Variants in PCDH17 observed in about 807,000 individuals in gnomAD.
The protein encoded by PCDH17 is protocadherin 17, also known as protocadherin-17.
A neutral mutation model predicts 67.7 loss-of-function variants in PCDH17; 21 were observed. The ratio of observed to expected loss-of-function variants is 0.31; its 90% CI spans 0.22 to 0.45. The LOEUF is 0.45. Among genes scored for constraint, PCDH17 ranks in the 20% least tolerant of loss-of-function variants. The probability of loss-of-function intolerance (pLI) is 1.00; values close to 1 mark genes in which losing one functional copy is unlikely to be tolerated. For missense variants in PCDH17, 1,471 were observed against 1,564.8 expected (o/e 0.94, Z 1.01); for synonymous variants, 701 against 656.7 (o/e 1.07, Z -1.03).
chr13:57,665,227 A>C (rs1419865217), intron 1 of PCDH17, among the ~76,000 whole-genome samples: 2 of 148,954 alleles, frequency 1.3e-5, no homozygotes, highest in Admixed American at 1.4e-4. Context: ...TTAAACTATC[A>C]TTCTTTAATG....
intron 1 of PCDH17, among the ~76,000 whole-genome samples, chr13:57,653,637 G>C (rs1387342312): frequency 6.6e-6 from 1 of 152,086 alleles, no homozygotes; most frequent in African/African-American, 2.4e-5. Flanking sequence ...GTGTAATATA[G>C]TGGTGAGATC....
intron 1 of PCDH17, among the ~76,000 whole-genome samples, chr13:57,638,577 C>A (rs1954853124): frequency 3.3e-5 from 5 of 152,130 alleles, no homozygotes; most frequent in Admixed American, 1.3e-4. Context: ...CAGTGTTTTA[C>A]AAATCAATTT....
In PCDH17 at chr13:57,634,766, C is replaced by A. The variant is rs1223387409; in HGVS notation, c.2220C>A (p.Tyr740Ter). 9 of 1,613,960 alleles carry A rather than the reference C, an allele frequency of 5.6e-6. No individual in the cohort carries two copies. Among genetic ancestry groups the A allele is most frequent in the Non-Finnish European group, 7.6e-6 (9 of 1,180,032 alleles). Residue 740 changes from tyrosine (Y) to a stop codon, truncating the protein, a stop_gained, in exon 1 of 4, where the codon TAC becomes TAA. Coordinates refer to ENST00000377918, the MANE Select transcript of PCDH17 (RefSeq NM_001040429.3). LOFTEE classifies it high-confidence loss of function. This position sits in a 1 kb window ranked among gnomAD's most constrained non-coding sequence, Gnocchi z 7.8. ...GCGAGAACAAGGAGATCCGCACTTA[C>A]AACTGCCGCATCGCCGAGTACAGCC... ...CKRENKEIRTYNCRIAEYSHP... is the reference protein window; with the variant it reads ...CKRENKEIRT
chr13:57,691,109 T>TC (rs1955554557), intron 3 of PCDH17, among the ~76,000 whole-genome samples: 1 of 151,454 alleles, frequency 6.6e-6, no homozygotes, highest in South Asian at 2.1e-4. Flanking sequence ...GACTACCAAT[T>TC]CATTAGTCAA....
intron 1 of PCDH17, among the ~76,000 whole-genome samples, chr13:57,643,382 A>G (rs1444669205): frequency 1.3e-5 from 2 of 151,714 alleles, no homozygotes; most frequent in African/African-American, 4.8e-5. Context: ...TTCAAACTTG[A>G]ATAAGTGCTT....
chr13:57,632,985 C>T lies in PCDH17; in HGVS notation c.439C>T (p.Pro147Ser). 6.2e-7 allele frequency: 1 copy of T among 1,613,310 alleles called. No individual in the cohort carries two copies. Among genetic ancestry groups the T allele is most frequent in the Non-Finnish European group, 8.5e-7 (1 of 1,179,996 alleles). The part of the protein sequence containing the change: ...IEMDISENAA[P>S]GTRFPLTSAH... ...AATGGACATCTCGGAGAACGCTGCT[C>T]CGGGCACCCGCTTCCCCCTCACCAG... is the stretch of plus-strand genomic sequence containing the variant. Residue 147 changes from proline (P) to serine (S), a missense_variant, in exon 1 of 4, where the codon CCG (proline) becomes TCG (serine). Around this residue, in one of 3 missense-constraint regions of PCDH17, gnomAD observed 1,163 missense variants for 1,230.0 expected, o/e 0.95. Coordinates refer to ENST00000377918, the MANE Select transcript of PCDH17 (RefSeq NM_001040429.3).
intron 3 of PCDH17, among the ~76,000 whole-genome samples, chr13:57,673,989 A>G (rs1364366710): frequency 1.3e-5 from 2 of 152,116 alleles, no homozygotes; most frequent in Non-Finnish European, 2.9e-5. Flanking sequence ...ACCTAACTTT[A>G]AAAGTTTCAA....
Position 57,632,645 on chromosome 13 carries a change from G to A in PCDH17, c.99G>A (p.Thr33=), listed in dbSNP as rs778491801. ...TGCCGGAGGAGCAAGGGGCCGGCAC[G>A]GTGATCGGGAACATCGGCAGGGATG... is the stretch of plus-strand genomic sequence containing the variant. ...YSVPEEQGAG[T]VIGNIGRDAR... The change falls in exon 1 of 4, where the codon ACG becomes ACA. Residue 33 remains threonine, a synonymous_variant. Transcript: ENST00000377918. 13 of 1,613,060 alleles carry A rather than the reference G, an allele frequency of 8.1e-6. No individual in the cohort carries two copies. The highest frequency in any genetic ancestry group is 1.1e-5 in the Non-Finnish European group (13 of 1,179,972).
In PCDH17 at chr13:57,692,098, A is replaced by G. The variant is rs1268096265; in HGVS notation, c.2797+25265A>G. 2.0e-5 allele frequency among the ~76,000 whole-genome samples: 3 copies of G among 151,186 alleles called. No individual in the cohort carries two copies. The East Asian group carries it at 5.8e-4, about 29-fold the overall frequency. ...TAATGTTTCATGGGGCAGGCTGATA[A>G]CATTTTCTCTTACTATTTCTTTTCA... is the stretch of plus-strand genomic sequence containing the variant. On this transcript the variant is annotated intron_variant, in intron 3 of 3. Coordinates refer to ENST00000377918, the MANE Select transcript of PCDH17 (RefSeq NM_001040429.3).
intron 1 of PCDH17, among the ~76,000 whole-genome samples, chr13:57,635,951 C>A (rs929609804): frequency 2.6e-5 from 4 of 152,160 alleles, no homozygotes; most frequent in African/African-American, 4.8e-5. Flanking sequence ...GGCAAAGTTA[C>A]ACTGAAGGCA....
chr13:57,634,787 C>G lies in PCDH17; in HGVS notation c.2241C>G (p.Tyr747Ter). 1 of 1,614,042 alleles carries G rather than the reference C, an allele frequency of 6.2e-7. No homozygotes were observed. Among genetic ancestry groups the G allele is most frequent in the Non-Finnish European group, 8.5e-7 (1 of 1,180,018 alleles). Reference protein sequence around the residue: ...IRTYNCRIAEYSHPQLGGGKG... With the variant: ...IRTYNCRIAE ...CTTACAACTGCCGCATCGCCGAGTA[C>G]AGCCACCCGCAGCTGGGTGGGGGCA... The change falls in exon 1 of 4, where the codon TAC (tyrosine) becomes TAG (stop). Residue 747 changes from tyrosine (Y) to a stop codon, truncating the protein, a stop_gained. Coordinates refer to ENST00000377918, the MANE Select transcript of PCDH17 (RefSeq NM_001040429.3). LOFTEE classifies it high-confidence loss of function. The surrounding 1 kb of genome is among the most constrained non-coding windows in gnomAD (Gnocchi z 7.8).
intron 1 of PCDH17, among the ~76,000 whole-genome samples, chr13:57,646,021 A>G (rs898987369): frequency 3.3e-5 from 5 of 151,528 alleles, no homozygotes; most frequent in Admixed American, 1.3e-4. Context: ...TTATATCTAA[A>G]CCATAAACAG....
At chr13:57,705,859 T>C (rs555216087) in intron 3 of PCDH17, among the ~76,000 whole-genome samples, 61 of 151,840 alleles carry the variant, frequency 4.0e-4, no homozygotes, top group Non-Finnish European at 7.7e-4. Context: ...CTACTAAAAA[T>C]ACAAAATTAG....
In PCDH17 at chr13:57,634,272, G is replaced by C. The variant is rs1187396687; in HGVS notation, c.1726G>C (p.Val576Leu). The change falls in exon 1 of 4, where the codon GTG becomes CTG. Residue 576 changes from valine to leucine, a missense_variant. By Grantham distance (32) the Val-to-Leu change is conservative (BLOSUM62 1). Coordinates refer to ENST00000377918, the MANE Select transcript of PCDH17 (RefSeq NM_001040429.3). This position sits in a 1 kb window ranked among gnomAD's most constrained non-coding sequence, Gnocchi z 7.8. ...NATVRVTVLD[V>L]NDNAPVIVLP... ...CACGGTGAGGGTGACAGTGCTAGAC[G>C]TGAATGACAACGCGCCAGTGATCGT... The C allele has an allele frequency of 6.2e-7, 1 of 1,613,072 alleles. No homozygotes were observed. Among genetic ancestry groups the C allele is most frequent in the East Asian group, 2.2e-5 (1 of 44,844 alleles).
chr13:57,673,638 T>G (rs1955352730), intron 3 of PCDH17, among the ~76,000 whole-genome samples: 1 of 151,898 alleles, frequency 6.6e-6, no homozygotes. Context: ...AAATAGAAAA[T>G]TACTGTCATA....
At chr13:57,648,328 G>C (rs1481847698) in intron 1 of PCDH17, among the ~76,000 whole-genome samples, 1 of 151,898 alleles carries the variant, frequency 6.6e-6, no homozygotes, top group Admixed American at 6.6e-5. Context: ...CAGATAAAAG[G>C]TGCATGAAAG....
At chr13:57,677,197 C>T (rs150026268) in intron 3 of PCDH17, among the ~76,000 whole-genome samples, 1 of 151,814 alleles carries the variant, frequency 6.6e-6, no homozygotes. Flanking sequence ...GGATTCCTAG[C>T]CAATTCCCTA....
rs774798738 is a variant in PCDH17, at chr13:57,633,291, T to C, written c.745T>C (p.Leu249=). ...NSPVFEAPSY[L]VELPENAPLG... ...CCCGGTCTTCGAGGCGCCATCCTAC[T>C]TGGTGGAACTGCCCGAGAACGCTCC... Residue 249 remains leucine, a synonymous_variant, in exon 1 of 4, where the codon TTG becomes CTG. Coordinates refer to ENST00000377918, the MANE Select transcript of PCDH17 (RefSeq NM_001040429.3). This position sits in a 1 kb window ranked among gnomAD's most constrained non-coding sequence, Gnocchi z 6.2. 6.2e-7 allele frequency: 1 copy of C among 1,613,234 alleles called. No homozygotes were observed. Among genetic ancestry groups the C allele is most frequent in the South Asian group, 1.1e-5 (1 of 91,076 alleles).
chr13:57,692,735 C>A (rs1421920169), intron 3 of PCDH17, among the ~76,000 whole-genome samples: 1 of 151,032 alleles, frequency 6.6e-6, no homozygotes, highest in Non-Finnish European at 1.5e-5. Context: ...TTCAAGCCTT[C>A]CCTTTCAAAG....
Sources: gnomAD v4.1 joint callset for allele counts (sites outside exome capture counted in the v4.1 genomes callset) on GRCh38, gnomAD v4.1.1 for gene constraint, gnomAD v4.1.1 regional missense constraint, Gnocchi (gnomAD v3.1) non-coding constraint, MANE v1.5 for transcripts, NCBI Gene and HGNC (gene_info 2026-07-23, HGNC 2026-07-21) for gene names.